The following WASF1 variants were observed in gnomAD, a reference collection of about 807,000 sequenced individuals.
WASF1 encodes the protein actin-binding protein WASF1.
Under a neutral mutation model 50.5 loss-of-function variants are expected in WASF1, and 7 were observed. The observed-to-expected ratio is 0.14, with a 90% confidence interval of 0.08 to 0.26. WASF1 has a LOEUF of 0.26. WASF1 is among the 10% of genes least tolerant of loss of function. WASF1 has a pLI of 1.00. For missense variants in WASF1, 470 were observed against 694.7 expected, an observed-to-expected ratio of 0.68 and a Z score of 3.64; for synonymous variants, 205 against 244.0, an observed-to-expected ratio of 0.84 and a Z score of 1.49.
intron 3 of WASF1, among the ~76,000 whole-genome samples, chr6:110,144,304 G>A (rs1317948117): frequency 3.3e-5 from 5 of 152,112 alleles, no homozygotes; most frequent in Non-Finnish European, 7.4e-5. Flanking sequence ...ACTTGGTGAT[G>A]GGGTTGTTTG....
intron 8 of WASF1, among the ~76,000 whole-genome samples, chr6:110,103,871 T>C (rs1463953893): frequency 1.3e-5 from 2 of 152,336 alleles, no homozygotes; most frequent in East Asian, 3.9e-4. Flanking sequence ...AGAAAATAAT[T>C]AACTTTTAGC....
At chr6:110,115,742 G>T (rs1484231654) in intron 4 of WASF1, among the ~76,000 whole-genome samples, 2 of 152,186 alleles carry the variant, frequency 1.3e-5, no homozygotes, top group Admixed American at 6.5e-5. Flanking sequence ...TACCATCAAA[G>T]ATGTCATAGT....
intron 4 of WASF1, among the ~76,000 whole-genome samples, chr6:110,124,279 T>C (rs1345288563): frequency 1.9e-5 from 1 of 53,404 alleles, no homozygotes; most frequent in Non-Finnish European, 3.5e-5. Flanking sequence ...TCTCTCTATA[T>C]ATATATATAT....
At chr6:110,149,153 G>A (rs1775710956) in intron 3 of WASF1, among the ~76,000 whole-genome samples, 1 of 152,150 alleles carries the variant, frequency 6.6e-6, no homozygotes, top group Non-Finnish European at 1.5e-5. Context: ...GAGTTTTAAA[G>A]CCAAAATTAA....
intron 3 of WASF1, among the ~76,000 whole-genome samples, chr6:110,133,728 ATTT>A (rs138543351): frequency 6.7e-6 from 1 of 150,064 alleles, no homozygotes; most frequent in Non-Finnish European, 1.5e-5. Context: ...TTCTGATGGG[ATTT>A]TTTTTTCTGA....
chr6:110,137,159 TA>T (rs1775006273), intron 3 of WASF1, among the ~76,000 whole-genome samples: 1 of 152,188 alleles, frequency 6.6e-6, no homozygotes, highest in Non-Finnish European at 1.5e-5. Flanking sequence ...AAGCTGCAGC[TA>T]TGCATATGCA....
At chr6:110,115,022 G>A (rs574273106) in intron 4 of WASF1, among the ~76,000 whole-genome samples, 30 of 151,706 alleles carry the variant, frequency 2.0e-4, no homozygotes, top group African/African-American at 7.3e-4. Context: ...AGCCTAGGAG[G>A]TCGAGGCTAT....
At chr6:110,177,417 A>G (rs1776976878) in intron 2 of WASF1, among the ~76,000 whole-genome samples, 1 of 152,096 alleles carries the variant, frequency 6.6e-6, no homozygotes, top group Non-Finnish European at 1.5e-5. Context: ...TACCTCTCCA[A>G]AGCAAAAATC....
chr6:110,165,171 C>A (rs1776423158), intron 2 of WASF1, among the ~76,000 whole-genome samples: 1 of 151,568 alleles, frequency 6.6e-6, no homozygotes, highest in Non-Finnish European at 1.5e-5. Context: ...CCAAGAGTGA[C>A]CCTGGTATAA....
Position 110,179,489 on chromosome 6 carries a change from G to A in WASF1, c.-322C>T, listed in dbSNP as rs1252047817. The A allele has an allele frequency of 2.6e-5, 4 of 152,034 alleles. No homozygotes were observed. The highest frequency in any genetic ancestry group is 9.7e-5 in the African/African-American group (4 of 41,374). 9.4% of individuals were successfully genotyped at this position (152,034 alleles called of 1,614,324 possible). ...TACCCCTTCTTCATGCTTCGGCAGC[G>A]GTCGCCGGTCCCCCTCGGCTCGCGG... On this transcript the variant is annotated 5_prime_UTR_variant, in exon 1 of 11. Coordinates refer to ENST00000392589, the MANE Select transcript of WASF1 (RefSeq NM_003931.3).
At chr6:110,112,220 T>G (rs1773587536) in intron 5 of WASF1, among the ~76,000 whole-genome samples, 1 of 152,024 alleles carries the variant, frequency 6.6e-6, no homozygotes, top group Non-Finnish European at 1.5e-5. Context: ...AAATTAGATC[T>G]ATCATATAAT....
chr6:110,121,819 T>C (rs1774142980), intron 4 of WASF1, among the ~76,000 whole-genome samples: 1 of 151,996 alleles, frequency 6.6e-6, no homozygotes, highest in Non-Finnish European at 1.5e-5. Flanking sequence ...ATTAAGAAAA[T>C]GTGGTACATA....
At chr6:110,165,908 C>G (rs1317871992) in intron 2 of WASF1, among the ~76,000 whole-genome samples, 1 of 151,662 alleles carries the variant, frequency 6.6e-6, no homozygotes, top group Non-Finnish European at 1.5e-5. Context: ...TTCTAGCTCC[C>G]TTTATGTTCC....
chr6:110,118,926 C>T (rs1481764515), intron 4 of WASF1, among the ~76,000 whole-genome samples: 1 of 152,152 alleles, frequency 6.6e-6, no homozygotes, highest in Non-Finnish European at 1.5e-5. Context: ...AACTGAACAA[C>T]CTGCTCCTGA....
rs767496815 is a variant in WASF1 at position 110,103,544 on chromosome 6, C to T, written c.727G>A (p.Val243Met). 33 of 1,611,508 alleles carry T rather than the reference C, an allele frequency of 2.0e-5. No homozygotes were observed. The highest frequency in any genetic ancestry group is 1.7e-4 in the Middle Eastern group (1 of 6,034). The change falls in exon 9 of 11, where the codon GTG (valine) becomes ATG (methionine). Residue 243 changes from valine to methionine, a missense_variant. Val to Met is a conservative substitution (Grantham distance 21). This residue lies in a region of WASF1 where 294 missense variants were observed against 343.5 expected (regional missense o/e 0.86). Coordinates refer to ENST00000392589, the MANE Select transcript of WASF1 (RefSeq NM_003931.3). ...GAGTAAGATCCATCCATATGATCCA[C>T]GTATGTCTGAGGTCTAAAAGAAATA... ...SHFETRPQTYVDHMDGSYSLS... is the reference protein window; with the variant it reads ...SHFETRPQTYMDHMDGSYSLS...
At chr6:110,162,759 C>A (rs1275458953) in intron 2 of WASF1, among the ~76,000 whole-genome samples, 1 of 151,526 alleles carries the variant, frequency 6.6e-6, no homozygotes, top group Non-Finnish European at 1.5e-5. Context: ...AAGGTAACTT[C>A]CTCAACTTGA....
At chr6:110,106,141 T>C (rs1176788124) in intron 7 of WASF1, among the ~76,000 whole-genome samples, 1 of 152,128 alleles carries the variant, frequency 6.6e-6, no homozygotes, top group Non-Finnish European at 1.5e-5. Context: ...CTAGAGTAAG[T>C]GTAACAAATT....
intron 8 of WASF1, among the ~76,000 whole-genome samples, chr6:110,104,106 G>T (rs1773212368): frequency 1.3e-5 from 2 of 152,052 alleles, no homozygotes; most frequent in Admixed American, 1.3e-4. Context: ...GTTTTCAAAG[G>T]TGCAAGGGTA....
At chr6:110,153,706 C>T (rs1775925822) in intron 3 of WASF1, among the ~76,000 whole-genome samples, 1 of 151,784 alleles carries the variant, frequency 6.6e-6, no homozygotes, top group Non-Finnish European at 1.5e-5. Context: ...AAGTTCGAGA[C>T]CAGCTTGGAC....
Sources: gnomAD v4.1 joint callset for allele counts (sites outside exome capture counted in the v4.1 genomes callset) on GRCh38, gnomAD v4.1.1 for gene constraint, gnomAD v4.1.1 regional missense constraint, MANE v1.5 for transcripts, NCBI Gene and HGNC (gene_info 2026-07-23, HGNC 2026-07-21) for gene names.